HEATR5A: variants seen among roughly 807,000 people sequenced by gnomAD.
The protein encoded by HEATR5A is HEAT repeat containing 5A.
A neutral mutation model predicts 218.8 loss-of-function variants in HEATR5A; 178 were observed. The observed-to-expected ratio is 0.81, with a 90% CI of 0.72 to 0.92. HEATR5A has a LOEUF of 0.92. Among genes scored for constraint, HEATR5A ranks in the 40% least tolerant of loss-of-function variants. The pLI is 0.00. For missense variants in HEATR5A, 2,420 were observed against 2,418.9 expected (o/e 1.00, Z -0.01); for synonymous variants, 864 against 871.6 (o/e 0.99, Z 0.15).
intron 18 of HEATR5A, 37 bp downstream of exon 18, chr14:31,349,752 A>T: frequency 6.9e-7 from 1 of 1,444,046 alleles, no homozygotes; most frequent in Non-Finnish European, 9.7e-7. Context: ...CAGTTTTGAA[A>T]CATAGCCTCT....
chr14:31,318,136 C>A, intron 26 of HEATR5A, 88 bp downstream of exon 26: 1 of 1,099,272 alleles, frequency 9.1e-7, no homozygotes, highest in South Asian at 1.3e-5. Flanking sequence ...GGTAAGACAA[C>A]CATAAAGAAA....
chr14:31,311,418 A>ATT (rs1193603312), intron 28 of HEATR5A, among the ~76,000 whole-genome samples: 3 of 146,836 alleles, frequency 2.0e-5, no homozygotes, highest in Admixed American at 6.9e-5. Flanking sequence ...CATTCTTTTA[A>ATT]TTTTTTTTTT....
At chr14:31,378,974 T>C (rs7152048) in intron 11 of HEATR5A, among the ~76,000 whole-genome samples, 147,960 of 151,704 alleles carry the variant, frequency 0.98, 72,243 homozygotes, top group Middle Eastern at 1. Flanking sequence ...CGGAGTCTTG[T>C]TCTGTCACCC....
chr14:31,350,080 C>T, intron 17 of HEATR5A, 101 bp from the exon 18 acceptor site: 1 of 646,214 alleles, frequency 1.5e-6, no homozygotes, highest in Non-Finnish European at 2.4e-6. Context: ...TATGTTCATA[C>T]TTGGATTACT....
chr14:31,326,851 C>T (rs1406180899), intron 22 of HEATR5A, among the ~76,000 whole-genome samples: 1 of 151,924 alleles, frequency 6.6e-6, no homozygotes, highest in Non-Finnish European at 1.5e-5. Context: ...CACTACGTTG[C>T]CCAGGCTGGT....
At chr14:31,388,367 C>G (rs186201701) in intron 7 of HEATR5A, among the ~76,000 whole-genome samples, 1 of 152,196 alleles carries the variant, frequency 6.6e-6, no homozygotes, top group Non-Finnish European at 1.5e-5. Context: ...TAAGATAACT[C>G]TTCCAAGAGT....
chr14:31,388,827 C>T lies in HEATR5A; in HGVS notation c.933+18G>A. 1 of 1,608,426 alleles carries T rather than the reference C, an allele frequency of 6.2e-7. No individual in the cohort carries two copies. Among genetic ancestry groups the T allele is most frequent in the Middle Eastern group, 1.7e-4 (1 of 6,054 alleles). ...GGCCAGTAAGAGTTAGACTGAGATA[C>T]TGATTTGTGATTCCAACCTGAGTAA... On this transcript the variant is annotated intron_variant, in intron 7 of 35. Transcript: ENST00000543095.
At chr14:31,385,307 T>G (rs1363220759) in intron 9 of HEATR5A, among the ~76,000 whole-genome samples, 1 of 152,110 alleles carries the variant, frequency 6.6e-6, no homozygotes, top group African/African-American at 2.4e-5. Context: ...TTTTAAAAAA[T>G]TTTTAGTAGA....
At chr14:31,342,952 G>A (rs1347248831) in intron 21 of HEATR5A, among the ~76,000 whole-genome samples, 3 of 152,184 alleles carry the variant, frequency 2.0e-5, no homozygotes, top group African/African-American at 7.2e-5. Flanking sequence ...ATTTTCAACA[G>A]TCACGTTACT....
chr14:31,397,158 A>C (rs780521517), intron 4 of HEATR5A, among the ~76,000 whole-genome samples: 3 of 152,162 alleles, frequency 2.0e-5, no homozygotes, highest in Non-Finnish European at 4.4e-5. Flanking sequence ...TGAATCAGCT[A>C]CGTCCTTCTT....
At chr14:31,366,249 G>A (rs772178706) in intron 13 of HEATR5A, among the ~76,000 whole-genome samples, 1 of 152,020 alleles carries the variant, frequency 6.6e-6, no homozygotes, top group African/African-American at 2.4e-5. Context: ...ACTCAATCCC[G>A]GGCGACAGAC....
At chr14:31,364,431 A>AT (rs1901732446) in intron 13 of HEATR5A, 133 bp from the exon 14 acceptor site, 1 of 551,326 alleles carries the variant, frequency 1.8e-6, no homozygotes, top group Admixed American at 3.4e-5. Flanking sequence ...CTTTACTTTT[A>AT]TTTTTTGAGA....
At chr14:31,358,552 A>G in intron 16 of HEATR5A, 85 bp downstream of exon 16, 1 of 1,190,260 alleles carries the variant, frequency 8.4e-7, no homozygotes, top group Non-Finnish European at 1.2e-6. Flanking sequence ...ATAAGAAATC[A>G]TTTACGCTAA....
intron 30 of HEATR5A, among the ~76,000 whole-genome samples, chr14:31,307,284 C>CTA (rs1204824351): frequency 6.6e-6 from 1 of 152,216 alleles, no homozygotes; most frequent in African/African-American, 2.4e-5. Flanking sequence ...CAAAAGTAAT[C>CTA]TACTTGATAA....
intron 21 of HEATR5A, chr14:31,340,334 T>C (rs1900800313): frequency 2.0e-5 from 10 of 493,110 alleles, no homozygotes; most frequent in South Asian, 3.5e-5. Context: ...TTAGCATTAA[T>C]GGTTCGCTTA....
At chr14:31,393,959 T>C (rs2030551527) in intron 6 of HEATR5A, 93 bp downstream of exon 6, 3 of 873,514 alleles carry the variant, frequency 3.4e-6, no homozygotes, top group Non-Finnish European at 5.0e-6. Flanking sequence ...GAAATTGATT[T>C]ATAACGGGTA....
At position 31,386,580 on chromosome 14, in the gene HEATR5A, T is replaced by A. The variant is rs757815904; in HGVS notation, c.1190-5A>T. On this transcript the variant is annotated splice_polypyrimidine_tract_variant and splice_region_variant and intron_variant, in intron 8 of 35. Transcript: ENST00000543095. ...TACCATCACTCATTACGGCATCTGA[T>A]AGAAATGCAAGAATTAACTATGCAT... The A allele has an allele frequency of 5.7e-6, 9 of 1,569,018 alleles. No individual in the cohort carries two copies. The highest frequency in any genetic ancestry group is 7.8e-6 in the Non-Finnish European group (9 of 1,160,912).
intron 10 of HEATR5A, among the ~76,000 whole-genome samples, chr14:31,381,808 AAAC>A (rs2029997434): frequency 6.6e-6 from 1 of 152,166 alleles, no homozygotes. Context: ...CCATGTTATA[AAAC>A]AACAGAGAAG....
intron 5 of HEATR5A, 71 bp downstream of exon 5, chr14:31,395,128 T>C (rs2030606582): frequency 1.9e-6 from 2 of 1,025,802 alleles, no homozygotes; most frequent in Admixed American, 2.7e-5. Context: ...CTTTTACTAA[T>C]GCTTTCACAA....
Sources: allele counts gnomAD v4.1 joint callset (sites outside exome capture counted in the v4.1 genomes callset), GRCh38; gene constraint gnomAD v4.1.1; transcripts MANE v1.5; gene names NCBI Gene and HGNC (gene_info 2026-07-23, HGNC 2026-07-21).